Variants in GABRA3 observed in about 807,000 individuals in gnomAD.
GABRA3 encodes gamma-aminobutyric acid type A receptor subunit alpha3.
Under a neutral mutation model 30.1 loss-of-function variants are expected in GABRA3, and 10 were observed. The ratio of observed to expected loss-of-function variants is 0.33; its 90% CI spans 0.20 to 0.56. GABRA3 has a LOEUF of 0.56. Ranked by LOEUF, GABRA3 falls within the 20% of genes least tolerant of loss-of-function variation. GABRA3 has a pLI of 0.89. For missense variants in GABRA3, 233 were observed against 392.0 expected (o/e 0.59, Z 3.42); for synonymous variants, 151 against 146.8 (o/e 1.03, Z -0.21).
Position 152,199,162 on chromosome X carries a change from C to G in GABRA3, c.779-1377G>C, listed in dbSNP as rs144218573. On this transcript the variant is annotated intron_variant, in intron 7 of 9. Transcript: ENST00000370314. ...CGGGCAGATTACGAGGTCAGGAGAT[C>G]GAGACCATCCTGGCTAACATGGTGA... Among the ~76,000 whole-genome samples the G allele has an allele frequency of 6.5e-3, 721 of 110,221 alleles. 4 individuals are homozygous for G. Among genetic ancestry groups the G allele is most frequent in the African/African-American group, 0.019 (579 of 30,383 alleles).
Position 152,401,293 on chromosome X carries a change from C to T in GABRA3, c.-26-36697G>A, listed in dbSNP as rs1203080063. The stretch of plus-strand genomic sequence containing the variant: ...ATATATATATATATATATATACACA[C>T]ACACACACACAAACACATATACTCT... On this transcript the variant is annotated intron_variant, in intron 1 of 9. Coordinates refer to ENST00000370314, the MANE Select transcript of GABRA3 (RefSeq NM_000808.4). 3.7e-5 allele frequency among the ~76,000 whole-genome samples: 4 copies of T among 106,818 alleles called. No homozygotes were observed. In the East Asian group the frequency reaches 1.2e-3, roughly 31 times the overall value. 92.8% of individuals were successfully genotyped at this position (106,818 alleles called of 115,157 possible). A position where few individuals can be genotyped will look rare whatever the true frequency, so the allele number is the denominator to read the frequency against.
intron 5 of GABRA3, among the ~76,000 whole-genome samples, chrX:152,254,737 C>T (rs1245451275): frequency 9.0e-6 from 1 of 111,696 alleles, no homozygotes; most frequent in African/African-American, 3.3e-5. Context: ...CATTTATTCA[C>T]CACCTATTTA....
intron 2 of GABRA3, among the ~76,000 whole-genome samples, chrX:152,360,697 TAAAA>T (rs1376628186): frequency 1.1e-4 from 2 of 17,679 alleles, no homozygotes; most frequent in African/African-American, 4.1e-4. Flanking sequence ...TAGAGTATAA[TAAAA>T]AAAAAAAAAT....
At chrX:152,191,873 C>T (rs1937329233) in intron 8 of GABRA3, among the ~76,000 whole-genome samples, 1 of 111,687 alleles carries the variant, frequency 9.0e-6, no homozygotes, top group African/African-American at 3.3e-5. Flanking sequence ...AGGAATCTGC[C>T]ACATAGCTAA....
chrX:152,290,873 A>G (rs1346970107), intron 3 of GABRA3, among the ~76,000 whole-genome samples: 1 of 111,529 alleles, frequency 9.0e-6, no homozygotes, highest in Non-Finnish European at 1.9e-5. Flanking sequence ...ATTGGTCTAT[A>G]TATCTGTTTT....
chrX:152,275,319 A>C (rs1489818708), intron 4 of GABRA3, among the ~76,000 whole-genome samples: 2 of 76,004 alleles, frequency 2.6e-5, no homozygotes, highest in African/African-American at 1.2e-4. Flanking sequence ...TATATATAAT[A>C]TATAATATAT....
At chrX:152,311,872 A>C (rs1939804248) in intron 3 of GABRA3, among the ~76,000 whole-genome samples, 1 of 111,532 alleles carries the variant, frequency 9.0e-6, no homozygotes, top group African/African-American at 3.3e-5. Flanking sequence ...TTTAGGATAC[A>C]AAATCAATGT....
intron 2 of GABRA3, among the ~76,000 whole-genome samples, chrX:152,355,286 G>A (rs746773009): frequency 1.8e-5 from 2 of 111,376 alleles, no homozygotes; most frequent in Non-Finnish European, 3.8e-5. Flanking sequence ...AGCATATTTC[G>A]TTTGCCTTTT....
chrX:152,368,465 A>C (rs946107551), intron 1 of GABRA3, among the ~76,000 whole-genome samples: 3 of 111,245 alleles, frequency 2.7e-5, no homozygotes, highest in Non-Finnish European at 5.7e-5. Flanking sequence ...ACAAATGACA[A>C]GATTTCACTG....
At chrX:152,313,034 C>T (rs371058241) in intron 3 of GABRA3, among the ~76,000 whole-genome samples, 19 of 111,209 alleles carry the variant, frequency 1.7e-4, no homozygotes, top group African/African-American at 4.6e-4. Context: ...TGATGCAATT[C>T]GTCTATGTAA....
At chrX:152,373,836 C>A (rs1253276243) in intron 1 of GABRA3, among the ~76,000 whole-genome samples, 1 of 104,031 alleles carries the variant, frequency 9.6e-6, no homozygotes, top group Non-Finnish European at 2.0e-5. Context: ...GTCCAAGTGT[C>A]CTCATTGTTC....
chrX:152,323,700 T>C (rs1017217157), intron 3 of GABRA3, among the ~76,000 whole-genome samples: 1 of 112,419 alleles, frequency 8.9e-6, no homozygotes, highest in African/African-American at 3.2e-5. Flanking sequence ...TAAACTGTAA[T>C]TGCTTTCTGT....
At chrX:152,180,991 T>C (rs1441643284) in intron 9 of GABRA3, among the ~76,000 whole-genome samples, 1 of 112,365 alleles carries the variant, frequency 8.9e-6, no homozygotes, top group South Asian at 3.6e-4. Context: ...AGCTTTCTTC[T>C]TTTTGCTCAA....
chrX:152,305,823 A>G (rs1939711860), intron 3 of GABRA3, among the ~76,000 whole-genome samples: 2 of 111,606 alleles, frequency 1.8e-5, no homozygotes, highest in Non-Finnish European at 3.8e-5. Flanking sequence ...CCTACATATC[A>G]AAACCAATGA....
At chrX:152,236,989 C>T (rs1197147449) in intron 5 of GABRA3, among the ~76,000 whole-genome samples, 4 of 107,212 alleles carry the variant, frequency 3.7e-5, no homozygotes, top group Non-Finnish European at 7.7e-5. Context: ...TGCAGAAGCT[C>T]TTTAGTTTAA....
rs191363202 is a variant in GABRA3, at chrX:152,352,199, T to C, written c.141-6497A>G. Reference sequence around the variant, plus strand: ...CACAGGGTTGCCACAAACATTCAATTTGTAAAAAACATGCTATCCACAAAG... The same window carrying C: ...CACAGGGTTGCCACAAACATTCAATCTGTAAAAAACATGCTATCCACAAAG... On this transcript the variant is annotated intron_variant, in intron 2 of 9. Coordinates refer to ENST00000370314, the MANE Select transcript of GABRA3 (RefSeq NM_000808.4). Among the ~76,000 whole-genome samples the C allele has an allele frequency of 4.0e-4, 44 of 111,175 alleles. No individual in the cohort carries two copies. The East Asian group carries it at 0.011, about 27-fold the overall frequency.
chrX:152,423,013 T>A (rs199503978), intron 1 of GABRA3, among the ~76,000 whole-genome samples: 1 of 111,780 alleles, frequency 8.9e-6, no homozygotes. Context: ...TTAAAATAAA[T>A]TAAAAACTTG....
chrX:152,261,862 A>G (rs1938735819), intron 4 of GABRA3, among the ~76,000 whole-genome samples: 1 of 112,450 alleles, frequency 8.9e-6, no homozygotes, highest in African/African-American at 3.2e-5. Context: ...CTTCAACCCC[A>G]TATTTCCCTT....
chrX:152,341,272 C>T (rs138325043), intron 3 of GABRA3, among the ~76,000 whole-genome samples: 222 of 111,404 alleles, frequency 2.0e-3, no homozygotes, highest in African/African-American at 7.0e-3. Context: ...TTTTTCCACT[C>T]ATTGGTTGAT....
Sources: allele counts gnomAD v4.1 joint callset (sites outside exome capture counted in the v4.1 genomes callset), GRCh38; gene constraint gnomAD v4.1.1; transcripts MANE v1.5; gene names NCBI Gene and HGNC (gene_info 2026-07-23, HGNC 2026-07-21).